DNAJC16: variants seen among roughly 807,000 people sequenced by gnomAD.
DNAJC16 encodes dnaJ homolog subfamily C member 16.
DNAJC16 carries 76 observed loss-of-function variants against 92.7 expected under a neutral mutation model. The observed-to-expected ratio is 0.82, with a 90% confidence interval of 0.68 to 0.99. The LOEUF is 0.99. DNAJC16 is among the 50% of genes least tolerant of loss of function. DNAJC16 has a pLI of 0.00. For missense variants in DNAJC16, 869 were observed against 942.4 expected (o/e 0.92, Z 1.02); for synonymous variants, 328 against 358.7 (o/e 0.91, Z 0.97).
chr1:15,548,523 A>G, intron 7 of DNAJC16, 95 bp downstream of exon 7: 3 of 1,288,446 alleles, frequency 2.3e-6, no homozygotes, highest in Non-Finnish European at 3.1e-6. Flanking sequence ...GGCTGAAGGA[A>G]AGGATCTTCC....
chr1:15,539,115 G>A (rs764175038), intron 4 of DNAJC16, among the ~76,000 whole-genome samples: 1 of 152,220 alleles, frequency 6.6e-6, no homozygotes, highest in Non-Finnish European at 1.5e-5. Flanking sequence ...ACTAATGCAC[G>A]GAAGACCCTC....
chr1:15,549,091 C>A (rs6703063), intron 7 of DNAJC16, among the ~76,000 whole-genome samples: 1,749 of 152,240 alleles, frequency 0.011, 40 homozygotes, highest in African/African-American at 0.039. Context: ...TATAGAGAAA[C>A]AAGTACTATC....
At chr1:15,527,035 C>T (rs902873138) in intron 1 of DNAJC16, 77 bp downstream of exon 1, 1 of 152,272 alleles carries the variant, frequency 6.6e-6, no homozygotes, top group Non-Finnish European at 1.5e-5. Flanking sequence ...CCCCTCAGTT[C>T]CTTCTCGTTT....
intron 1 of DNAJC16, among the ~76,000 whole-genome samples, chr1:15,528,190 T>C (rs1270818488): frequency 6.6e-6 from 1 of 152,210 alleles, no homozygotes; most frequent in Non-Finnish European, 1.5e-5. Context: ...CCCAACACTT[T>C]GGGAGGCCGA....
chr1:15,552,819 G>A (rs1638478551), intron 7 of DNAJC16, among the ~76,000 whole-genome samples: 1 of 148,898 alleles, frequency 6.7e-6, no homozygotes, highest in South Asian at 2.1e-4. Context: ...TAAGGCTGGA[G>A]TGCAGTGGTG....
rs761127105 is a variant in DNAJC16, at chr1:15,544,499, A to C, written c.675A>C (p.Lys225Asn). 2 of 1,614,142 alleles carry C rather than the reference A, an allele frequency of 1.2e-6. No homozygotes were observed. The highest frequency in any genetic ancestry group is 2.2e-5 in the South Asian group (2 of 91,076). ...TPSILGIING[K>N]ISFFHNAVVR... Reference sequence around the variant, plus strand: ...CTATCCTAGGAATCATTAACGGGAAAATCTCCTTCTTCCACAATGCAGTTG... The same window carrying C: ...CTATCCTAGGAATCATTAACGGGAACATCTCCTTCTTCCACAATGCAGTTG... Residue 225 changes from lysine to asparagine, a missense_variant, in exon 5 of 15, where the codon AAA (lysine) becomes AAC (asparagine). Transcript: ENST00000375847.
At chr1:15,539,129 C>T (rs1320835189) in intron 4 of DNAJC16, among the ~76,000 whole-genome samples, 1 of 152,234 alleles carries the variant, frequency 6.6e-6, no homozygotes, top group African/African-American at 2.4e-5. Context: ...GACCCTCTCA[C>T]AGCCTCAGTA....
At chr1:15,536,835 G>T in intron 4 of DNAJC16, 21 bp downstream of exon 4, 1 of 1,571,018 alleles carries the variant, frequency 6.4e-7, no homozygotes, top group Non-Finnish European at 8.6e-7. Flanking sequence ...TTTATTCACT[G>T]AAAGATATTT....
intron 7 of DNAJC16, among the ~76,000 whole-genome samples, chr1:15,558,856 G>A (rs973250827): frequency 5.9e-5 from 9 of 152,224 alleles, no homozygotes; most frequent in East Asian, 1.9e-4. Context: ...TGCCCAGTTC[G>A]CTACAAATCC....
Position 15,564,299 on chromosome 1 carries a change from G to T in DNAJC16, c.1538G>T (p.Trp513Leu). The change falls in exon 11 of 15, where the codon TGG becomes TTG. Residue 513 changes from tryptophan (W) to leucine (L), a missense_variant. Transcript: ENST00000375847. ...TCTACATAGGTTTTTCTCCTTCGAT[G>T]GTTCTACTCTGCTTCTGACTACATC... is the stretch of plus-strand genomic sequence containing the variant. ...DELAPVFLLR[W>L]FYSASDYISD... The T allele has an allele frequency of 6.2e-7, 1 of 1,609,894 alleles. No individual in the cohort carries two copies. Among genetic ancestry groups the T allele is most frequent in the South Asian group, 1.1e-5 (1 of 90,966 alleles).
intron 2 of DNAJC16, among the ~76,000 whole-genome samples, chr1:15,531,102 T>C (rs748385628): frequency 1.3e-5 from 2 of 152,182 alleles, no homozygotes; most frequent in African/African-American, 2.4e-5. Context: ...TATTGTTTTT[T>C]AATCATTTAC....
chr1:15,545,549 G>C (rs1235661838), intron 5 of DNAJC16, among the ~76,000 whole-genome samples: 1 of 152,212 alleles, frequency 6.6e-6, no homozygotes, highest in Non-Finnish European at 1.5e-5. Context: ...GTTGGGAAAG[G>C]CTTCCTGGCA....
intron 8 of DNAJC16, among the ~76,000 whole-genome samples, chr1:15,561,582 G>C (rs1266298377): frequency 1.3e-5 from 2 of 152,138 alleles, no homozygotes; most frequent in African/African-American, 4.8e-5. Context: ...CTACTTGGGA[G>C]GCTGAGGCAG....
rs750908788 is a variant in DNAJC16 at position 15,544,495 on chromosome 1, G to A, written c.671G>A (p.Gly224Glu). The change falls in exon 5 of 15, where the codon GGG becomes GAG. Residue 224 changes from glycine (G) to glutamate (E), a missense_variant. Transcript: ENST00000375847. ...CCCTCTATCCTAGGAATCATTAACGGGAAAATCTCCTTCTTCCACAATGCA... is the reference window on the plus strand; with the variant it reads ...CCCTCTATCCTAGGAATCATTAACGAGAAAATCTCCTTCTTCCACAATGCA... ...STPSILGIIN[G>E]KISFFHNAVV... 3 of 1,614,118 alleles carry A rather than the reference G, an allele frequency of 1.9e-6. No homozygotes were observed. The highest frequency in any genetic ancestry group is 2.2e-5 in the South Asian group (2 of 91,078).
intron 2 of DNAJC16, among the ~76,000 whole-genome samples, chr1:15,533,823 C>T (rs1369005623): frequency 3.3e-5 from 5 of 152,164 alleles, no homozygotes; most frequent in African/African-American, 4.8e-5. Flanking sequence ...GAAGAAACAA[C>T]AGCATTCTAG....
chr1:15,556,731 T>C (rs950068279), intron 7 of DNAJC16, among the ~76,000 whole-genome samples: 29 of 152,230 alleles, frequency 1.9e-4, no homozygotes, highest in African/African-American at 6.8e-4. Flanking sequence ...TGATGTGGAA[T>C]AGAAGTGTAG....
Position 15,548,435 on chromosome 1 carries a change from G to A in DNAJC16, c.1023+7G>A. 1.9e-6 allele frequency: 3 copies of A among 1,604,662 alleles called. No individual in the cohort carries two copies. The highest frequency in any genetic ancestry group is 2.6e-6 in the Non-Finnish European group (3 of 1,174,592). On this transcript the variant is annotated splice_region_variant and intron_variant, in intron 7 of 14. Transcript: ENST00000375847. ...GCCTGCCGATGTTATCCAGGTACGT[G>A]AGGGTCACCTTGGTTAAGATTTTCT...
rs755586726 is a variant in DNAJC16 at position 15,548,444 on chromosome 1, C to T, written c.1023+16C>T. 5.0e-6 allele frequency: 8 copies of T among 1,593,738 alleles called. No individual in the cohort carries two copies. The highest frequency in any genetic ancestry group is 2.3e-5 in the South Asian group (2 of 87,566). ...TGTTATCCAGGTACGTGAGGGTCAC[C>T]TTGGTTAAGATTTTCTTCACATTTT... On this transcript the variant is annotated intron_variant, in intron 7 of 14. Coordinates refer to ENST00000375847, the MANE Select transcript of DNAJC16 (RefSeq NM_015291.4).
In DNAJC16 at chr1:15,536,687, T is replaced by A; in HGVS notation, c.447T>A (p.Tyr149Ter). 6.2e-6 allele frequency: 10 copies of A among 1,614,200 alleles called. No homozygotes were observed. Among genetic ancestry groups the A allele is most frequent in the Non-Finnish European group, 8.5e-6 (10 of 1,180,034 alleles). ...DEKYLLHFSH[Y>*]VNEVVPDSFK... ...AGTATTTATTGCACTTTTCACATTA[T>A]GTGAATGAAGTGGTTCCAGATAGCT... The change falls in exon 4 of 15, where the codon TAT (tyrosine) becomes TAA (stop). Residue 149 changes from tyrosine (Y) to a stop codon, truncating the protein, a stop_gained. Transcript: ENST00000375847. LOFTEE classifies it high-confidence loss of function.
Sources: allele counts gnomAD v4.1 joint callset (sites outside exome capture counted in the v4.1 genomes callset), GRCh38; gene constraint gnomAD v4.1.1; transcripts MANE v1.5; gene names NCBI Gene and HGNC (gene_info 2026-07-23, HGNC 2026-07-21).